Variants in SLC26A1 observed in about 807,000 individuals in gnomAD.
SLC26A1 encodes the protein solute carrier family 26 member 1, also known as sulfate anion transporter 1.
A neutral mutation model predicts 14.5 loss-of-function variants in SLC26A1; 18 were observed. That is an observed-to-expected ratio of 1.24 (90% CI 0.86 to 1.84). The LOEUF (loss-of-function observed/expected upper bound fraction) is 1.84, where lower values mean the gene tolerates loss of function less well. Ranked by LOEUF, SLC26A1 falls within the 40% of genes most tolerant of loss-of-function variation. SLC26A1 has a pLI of 0.00. For synonymous variants in SLC26A1, 505 were observed against 492.0 expected, an observed-to-expected ratio of 1.03 and a Z score of -0.35; for missense variants, 1,049 against 1,020.0, an observed-to-expected ratio of 1.03 and a Z score of -0.39.
Position 988,492 on chromosome 4 carries a change from G to A in SLC26A1, c.*341C>T. 8.8e-7 allele frequency: 1 copy of A among 1,134,802 alleles called. No homozygotes were observed. The highest frequency in any genetic ancestry group is 3.1e-5 in the South Asian group (1 of 32,018). The allele number at this position is 1,134,802 out of a possible 1,614,324, so 70.3% of individuals were successfully genotyped here. ...GAGTCCTCTTGGCACCTTGGAGGCTGCATGATGGCGGGGGACCCTTGTTCA... is the reference window on the plus strand; with the variant it reads ...GAGTCCTCTTGGCACCTTGGAGGCTACATGATGGCGGGGGACCCTTGTTCA... On this transcript the variant is annotated 3_prime_UTR_variant, in exon 3 of 3. Transcript: ENST00000398516.
chr4:987,842 C>A lies in SLC26A1; in HGVS notation c.*991G>T, dbSNP rs121965022. On this transcript the variant is annotated 3_prime_UTR_variant, in exon 3 of 3. Transcript: ENST00000398516. ...TGCCACACAGCCAGGCTGACCAGTA[C>A]GTCCTCAGCTGGGACCAGCAGCTCA... The A allele has an allele frequency of 3.7e-6, 6 of 1,612,480 alleles. No individual in the cohort carries two copies. The highest frequency in any genetic ancestry group is 4.2e-6 in the Non-Finnish European group (5 of 1,179,868).
rs756021811 is a variant in SLC26A1, at chr4:990,154, C to T, written c.785G>A (p.Cys262Tyr). 6 of 1,564,454 alleles carry T rather than the reference C, an allele frequency of 3.8e-6. No individual in the cohort carries two copies. In the Admixed American group the frequency reaches 9.5e-5, roughly 25 times the overall value. Reference protein sequence around the residue: ...LLRGAGQANVCDVVTSTVCLA... With the variant: ...LLRGAGQANVYDVVTSTVCLA... ...GCACACCGTGCTGGTGACCACGTCG[C>T]ACACGTTGGCCTGCCCGGCGCCGCG... Residue 262 changes from cysteine to tyrosine, a missense_variant, in exon 3 of 3, where the codon TGC becomes TAC. Physicochemically the swap from Cys to Tyr is radical, Grantham distance 194. Coordinates refer to ENST00000398516, the MANE Select transcript of SLC26A1 (RefSeq NM_022042.4).
intron 2 of SLC26A1, among the ~76,000 whole-genome samples, chr4:979,816 T>C (rs1260539876): frequency 6.6e-6 from 1 of 152,234 alleles, no homozygotes; most frequent in Non-Finnish European, 1.5e-5. Flanking sequence ...GTCCACCTGT[T>C]GGCAGCGCCA....
At chr4:986,680 C>T, downstream of SLC26A1, 1 of 430,946 alleles carries the variant, frequency 2.3e-6, no homozygotes, top group South Asian at 1.6e-5. Flanking sequence ...TCGCTGAAGC[C>T]CCGGAGATGG....
chr4:985,105 A>G (rs192526712), downstream of SLC26A1, among the ~76,000 whole-genome samples: 675 of 152,354 alleles, frequency 4.4e-3, 39 homozygotes, highest in South Asian at 0.1. Flanking sequence ...CACAAAGACA[A>G]TTCTGTTGCT....
chr4:987,381 T>C, downstream of SLC26A1: 1 of 880,930 alleles, frequency 1.1e-6, no homozygotes, highest in Non-Finnish European at 1.6e-6. Flanking sequence ...CCCCCCGCCG[T>C]GTTTGTGGGT....
downstream of SLC26A1, chr4:987,167 C>G: frequency 6.9e-7 from 1 of 1,448,398 alleles, no homozygotes; most frequent in Non-Finnish European, 9.0e-7. Context: ...CCGGCCGAGG[C>G]CCCGCACCTG....
At chr4:986,343 G>C (rs1713727452), downstream of SLC26A1, among the ~76,000 whole-genome samples, 1 of 152,158 alleles carries the variant, frequency 6.6e-6, no homozygotes, top group South Asian at 2.1e-4. Context: ...GACCCTCCCA[G>C]ATACCAAAAT....
chr4:979,729 C>T (rs1713482042), intron 2 of SLC26A1, among the ~76,000 whole-genome samples: 1 of 152,194 alleles, frequency 6.6e-6, no homozygotes, highest in African/African-American at 2.4e-5. Flanking sequence ...TACCAGCTTC[C>T]CGTGAATCCG....
At chr4:980,890 C>T (rs1310671370) in intron 2 of SLC26A1, among the ~76,000 whole-genome samples, 2 of 151,952 alleles carry the variant, frequency 1.3e-5, no homozygotes, top group Non-Finnish European at 1.5e-5. Flanking sequence ...TGCCTAGATA[C>T]AAGCAGAGAA....
downstream of SLC26A1, among the ~76,000 whole-genome samples, chr4:984,909 G>A (rs1713653454): frequency 6.6e-6 from 1 of 152,220 alleles, no homozygotes; most frequent in South Asian, 2.1e-4. Flanking sequence ...TCCCCATCAT[G>A]CACTTTGTAA....
Position 988,329 on chromosome 4 carries a change from C to T in SLC26A1, c.*504G>A, listed in dbSNP as rs897890104. 2 of 1,095,344 alleles carry T rather than the reference C, an allele frequency of 1.8e-6. No individual in the cohort carries two copies. The highest frequency in any genetic ancestry group is 4.1e-4 in the Middle Eastern group (1 of 2,468). The allele number at this position is 1,095,344 out of a possible 1,614,324, so 67.9% of individuals were successfully genotyped here. A position where few individuals can be genotyped will look rare whatever the true frequency, so the allele number is the denominator to read the frequency against. ...GCCCTGACGCTGGTGCAGGTGGCCA[C>T]CCTGTGAGGGGGAGGCACGAGGTGT... On this transcript the variant is annotated 3_prime_UTR_variant, in exon 3 of 3. Transcript: ENST00000398516.
Position 988,860 on chromosome 4 carries a change from C to A in SLC26A1, c.2079G>T (p.Glu693Asp). The stretch of plus-strand genomic sequence containing the variant: ...ACAGATGGGCATCGGTGGCCTCCAG[C>A]TCCCTGTGGCGGGCTCGTGCTGTCT... The part of the protein sequence containing the change: ...AVQTARARHR[E>D]LEATDAHL Residue 693 changes from glutamate to aspartate, a missense_variant, in exon 3 of 3, where the codon GAG (glutamate) becomes GAT (aspartate). Glu to Asp is a conservative substitution (Grantham distance 45, BLOSUM62 2). Transcript: ENST00000398516. The A allele has an allele frequency of 6.2e-7, 1 of 1,606,330 alleles. No homozygotes were observed. The highest frequency in any genetic ancestry group is 8.5e-7 in the Non-Finnish European group (1 of 1,176,792).
At chr4:983,960 G>A (rs1265372637), downstream of SLC26A1, among the ~76,000 whole-genome samples, 2 of 152,194 alleles carry the variant, frequency 1.3e-5, no homozygotes, top group Non-Finnish European at 2.9e-5. Flanking sequence ...GAGTAGCTGG[G>A]ATTACAGACG....
At chr4:990,949 G>A (rs1451435032) in intron 2 of SLC26A1, 179 bp downstream of exon 2, 20 of 618,684 alleles carry the variant, frequency 3.2e-5, no homozygotes, top group East Asian at 5.9e-5. Context: ...CAGCCTCTCC[G>A]CGTCGGTGCC....
chr4:986,446 T>C (rs1481752940), downstream of SLC26A1, among the ~76,000 whole-genome samples: 1 of 152,266 alleles, frequency 6.6e-6, no homozygotes, highest in Non-Finnish European at 1.5e-5. Context: ...AGATTACTTA[T>C]AGTCCCTAAA....
At chr4:990,995 C>G (rs1714252652) in intron 2 of SLC26A1, 133 bp downstream of exon 2, 1 of 956,094 alleles carries the variant, frequency 1.0e-6, no homozygotes, top group Admixed American at 3.1e-5. Context: ...CCAGCTCTGC[C>G]CAAGCCTTGC....
chr4:991,869 C>G (rs1315048290), intron 1 of SLC26A1, 139 bp from the exon 2 acceptor site: 47 of 1,481,390 alleles, frequency 3.2e-5, no homozygotes, highest in Non-Finnish European at 4.1e-5. Flanking sequence ...CTTCTCCTGG[C>G]AGCGCGGGCC....
In SLC26A1 at chr4:989,064, G is replaced by A. The variant is rs3796621; in HGVS notation, c.1875C>T (p.Ala625=). The change falls in exon 3 of 3, where the codon GCC becomes GCT. Residue 625 remains alanine, a synonymous_variant. Coordinates refer to ENST00000398516, the MANE Select transcript of SLC26A1 (RefSeq NM_022042.4). ...DCAPLLFLDA[A]GVSTLQDLRR... is the part of the protein sequence containing the mutation. Reference sequence around the variant, plus strand: ...GCAGGTCCTGCAGCGTGCTCACACCGGCTGCGTCTAGGAACAGCAGCGGGG... The same window carrying A: ...GCAGGTCCTGCAGCGTGCTCACACCAGCTGCGTCTAGGAACAGCAGCGGGG... The A allele has an allele frequency of 0.46, 724,076 of 1,585,524 alleles. 166,642 individuals carry two copies. The highest frequency in any genetic ancestry group is 0.56 in the Admixed American group (31,436 of 56,282).
Sources: gnomAD v4.1 joint callset for allele counts (sites outside exome capture counted in the v4.1 genomes callset) on GRCh38, gnomAD v4.1.1 for gene constraint, MANE v1.5 for transcripts, NCBI Gene and HGNC (gene_info 2026-07-23, HGNC 2026-07-21) for gene names.